The following MGAT4C variants were observed in gnomAD, a reference collection of about 807,000 sequenced individuals.
The protein encoded by MGAT4C is MGAT4 family member C, also known as alpha-1,3-mannosyl-glycoprotein 4-beta-N-acetylglucosaminyltransferase C.
A neutral mutation model predicts 40.1 loss-of-function variants in MGAT4C; 19 were observed. That is an observed-to-expected ratio of 0.47 (90% CI 0.33 to 0.70). The LOEUF is 0.70. MGAT4C is among the 30% of genes least tolerant of loss of function. The pLI is 0.02. For missense variants in MGAT4C, 491 were observed against 563.2 expected (o/e 0.87, Z 1.30); for synonymous variants, 181 against 187.1 (o/e 0.97, Z 0.27).
At position 86,079,771 on chromosome 12, in the gene MGAT4C, ATATT is replaced by A. The variant is rs372926744; in HGVS notation, c.-56-30052_-56-30049del. On this transcript the variant is annotated intron_variant, in intron 1 of 4. Transcript: ENST00000611864. ...TGTGTAAAAATAATATATATAAAAT[ATATT>A]TATATATACAAATACAAACATATTT... Among the ~76,000 whole-genome samples, 1,122 of 151,428 alleles carry A rather than the reference ATATT, an allele frequency of 7.4e-3. 9 individuals carry two copies. Among genetic ancestry groups the A allele is most frequent in the Non-Finnish European group, 0.011 (768 of 67,844 alleles).
intron 2 of MGAT4C, among the ~76,000 whole-genome samples, chr12:86,528,918 C>G (rs1193117806): frequency 6.6e-6 from 1 of 151,802 alleles, no homozygotes; most frequent in Admixed American, 6.6e-5. Flanking sequence ...ACACATTTAC[C>G]TATATAACAA....
chr12:86,404,982 T>C lies in MGAT4C; in HGVS notation c.-120+30175A>G, dbSNP rs113162264. On this transcript the variant is annotated intron_variant, in intron 3 of 7. Coordinates refer to the MGAT4C transcript ENST00000548651. ...TAGTAGAAAGACAGTAGGTTTAATT[T>C]TCCTTTAAAACTAGATATTCCATCT... Among the ~76,000 whole-genome samples the C allele has an allele frequency of 5.0e-3, 754 of 152,174 alleles. 3 individuals are homozygous for C. Among genetic ancestry groups the C allele is most frequent in the African/African-American group, 0.017 (725 of 41,540 alleles).
At chr12:86,417,292 C>A (rs1956737928) in intron 3 of MGAT4C, among the ~76,000 whole-genome samples, 1 of 151,780 alleles carries the variant, frequency 6.6e-6, no homozygotes, top group Non-Finnish European at 1.5e-5. Context: ...ACCACAATGA[C>A]CAATAGAATG....
At chr12:86,544,827 A>G (rs1455168859) in intron 2 of MGAT4C, among the ~76,000 whole-genome samples, 1 of 152,106 alleles carries the variant, frequency 6.6e-6, no homozygotes, top group Non-Finnish European at 1.5e-5. Flanking sequence ...GAATTGTAGC[A>G]TGTAGTCAGG....
intron 3 of MGAT4C, among the ~76,000 whole-genome samples, chr12:86,396,449 C>A (rs775249592): frequency 6.6e-6 from 1 of 152,166 alleles, no homozygotes; most frequent in African/African-American, 2.4e-5. Flanking sequence ...GCTCACACAT[C>A]TCTAGGCAAA....
intron 1 of MGAT4C, among the ~76,000 whole-genome samples, chr12:86,234,262 TAGACTAATGTAG>T (rs1402661367): frequency 3.3e-5 from 5 of 152,190 alleles, no homozygotes; most frequent in African/African-American, 9.6e-5. Context: ...AACATTATCT[TAGACTAATGTAG>T]AGCCAGCATT....
chr12:86,420,804 C>CAT (rs1355975954), intron 3 of MGAT4C, among the ~76,000 whole-genome samples: 1 of 147,710 alleles, frequency 6.8e-6, no homozygotes, highest in African/African-American at 2.5e-5. Flanking sequence ...TACACACACA[C>CAT]ATATATATGT....
intron 2 of MGAT4C, among the ~76,000 whole-genome samples, chr12:86,590,758 C>G (rs1473615559): frequency 6.6e-6 from 1 of 151,938 alleles, no homozygotes; most frequent in East Asian, 1.9e-4. Flanking sequence ...AGATTGAATT[C>G]AGTGGTACTT....
At chr12:86,333,701 G>C (rs1253883556) in intron 4 of MGAT4C, among the ~76,000 whole-genome samples, 1 of 152,066 alleles carries the variant, frequency 6.6e-6, no homozygotes, top group African/African-American at 2.4e-5. Flanking sequence ...ATTAGTCACA[G>C]AGATTTTTAA....
At chr12:86,393,744 T>C (rs1180307082) in intron 3 of MGAT4C, among the ~76,000 whole-genome samples, 2 of 151,776 alleles carry the variant, frequency 1.3e-5, no homozygotes, top group African/African-American at 4.8e-5. Flanking sequence ...CTCCCCTCCA[T>C]GATGTATGGA....
intron 1 of MGAT4C, among the ~76,000 whole-genome samples, chr12:86,833,830 C>T (rs148077358): frequency 4.6e-5 from 7 of 151,840 alleles, no homozygotes; most frequent in Non-Finnish European, 1.5e-5. Context: ...AAGGGTACAC[C>T]TGACAAGGGA....
At position 85,968,149 on chromosome 12, in the gene MGAT4C, A is replaced by G. The variant is rs1883449970; in HGVS notation, c.*11140T>C. ...AATGAGACAAGGCATACATGCTGAC[A>G]TTTGAAGGATTTATGAAAAAAAGTC... On this transcript the variant is annotated 3_prime_UTR_variant, in exon 5 of 5. Coordinates refer to ENST00000611864, the MANE Select transcript of MGAT4C (RefSeq NM_001351288.2). 6.6e-6 allele frequency: 1 copy of G among 152,024 alleles called. No individual in the cohort carries two copies. The highest frequency in any genetic ancestry group is 2.1e-4 in the South Asian group (1 of 4,834). 9.4% of individuals were successfully genotyped at this position (152,024 alleles called of 1,614,324 possible). A position where few individuals can be genotyped will look rare whatever the true frequency, so the allele number is the denominator to read the frequency against.
rs7966131 is a variant in MGAT4C at position 85,956,854 on chromosome 12, T to G, written c.*22435A>C. ...TATTTTTCTTTTACCGTGGCCCAAG[T>G]AATGTTTGAAGTAACCTTGCTTGGG... On this transcript the variant is annotated 3_prime_UTR_variant, in exon 5 of 5. Coordinates refer to ENST00000611864, the MANE Select transcript of MGAT4C (RefSeq NM_001351288.2). 48,051 of 152,052 alleles carry G rather than the reference T, an allele frequency of 0.32. 8,702 individuals are homozygous for G. The highest frequency in any genetic ancestry group is 0.46 in the Middle Eastern group (135 of 294). The allele number at this position is 152,052 out of a possible 1,614,324, so 9.4% of individuals were successfully genotyped here.
chr12:86,090,314 T>G (rs964886984), intron 1 of MGAT4C, among the ~76,000 whole-genome samples: 10 of 151,770 alleles, frequency 6.6e-5, no homozygotes, highest in African/African-American at 2.4e-4. Context: ...AAATTTATAT[T>G]TATCATAAAC....
intron 2 of MGAT4C, among the ~76,000 whole-genome samples, chr12:86,491,918 T>C (rs552274850): frequency 3.3e-5 from 5 of 152,182 alleles, no homozygotes; most frequent in African/African-American, 1.2e-4. Context: ...GCCCAAAATC[T>C]CCTTAAGCTG....
At chr12:86,224,485 A>G (rs1012172309) in intron 1 of MGAT4C, among the ~76,000 whole-genome samples, 2 of 152,220 alleles carry the variant, frequency 1.3e-5, no homozygotes, top group Non-Finnish European at 2.9e-5. Flanking sequence ...TTCTATCCCA[A>G]AACTGCAGAA....
At chr12:86,084,971 T>C (rs960284699) in intron 1 of MGAT4C, among the ~76,000 whole-genome samples, 7 of 152,080 alleles carry the variant, frequency 4.6e-5, no homozygotes, top group Non-Finnish European at 8.8e-5. Flanking sequence ...AACTACGTGA[T>C]ACTGGGTCTG....
At chr12:86,744,967 T>C (rs1346102212) in intron 1 of MGAT4C, 3 of 151,544 alleles carry the variant, frequency 2.0e-5, no homozygotes, top group African/African-American at 7.3e-5. Context: ...AGAACCATGA[T>C]GCAAATCCGT....
intron 1 of MGAT4C, among the ~76,000 whole-genome samples, chr12:86,104,463 C>CA (rs1156896434): frequency 4.0e-5 from 6 of 151,744 alleles, no homozygotes; most frequent in African/African-American, 1.5e-4. Flanking sequence ...CAAATAACAA[C>CA]AAAAAAATTG....
Sources: gnomAD v4.1 joint callset for allele counts (sites outside exome capture counted in the v4.1 genomes callset) on GRCh38, gnomAD v4.1.1 for gene constraint, MANE v1.5 for transcripts, NCBI Gene and HGNC (gene_info 2026-07-23, HGNC 2026-07-21) for gene names.